Variants in ANKFN1 observed in about 807,000 individuals in gnomAD.
The protein encoded by ANKFN1 is ankyrin repeat and fibronectin type III domain containing 1, also known as ankyrin repeat and fibronectin type-III domain-containing protein 1.
In ANKFN1, 74 loss-of-function variants were observed where a neutral mutation model predicts 108.7. The ratio of observed to expected loss-of-function variants is 0.68; its 90% CI spans 0.56 to 0.83. ANKFN1 has a LOEUF of 0.83. Ranked by LOEUF, ANKFN1 falls within the 40% of genes least tolerant of loss-of-function variation. The pLI is 0.00. For missense variants in ANKFN1, 1,505 were observed against 1,382.3 expected (o/e 1.09, Z -1.41); for synonymous variants, 547 against 516.2 (o/e 1.06, Z -0.81).
At chr17:56,081,239 G>C (rs1305041422) in intron 4 of ANKFN1, among the ~76,000 whole-genome samples, 1 of 152,206 alleles carries the variant, frequency 6.6e-6, no homozygotes, top group Non-Finnish European at 1.5e-5. Flanking sequence ...CATTAGAGCA[G>C]GAATGAAAGG....
intron 2 of ANKFN1, among the ~76,000 whole-genome samples, chr17:56,226,274 G>T (rs1916263114): frequency 6.6e-6 from 1 of 151,934 alleles, no homozygotes; most frequent in Admixed American, 6.6e-5. Context: ...GATCTTGTCG[G>T]GTCAAACTAT....
chr17:56,453,595 C>A (rs1224421874), intron 11 of ANKFN1, among the ~76,000 whole-genome samples: 1 of 152,112 alleles, frequency 6.6e-6, no homozygotes, highest in Non-Finnish European at 1.5e-5. Flanking sequence ...CCTTTTACTA[C>A]CATATTGAGG....
chr17:56,071,044 T>C (rs891520436), intron 4 of ANKFN1, among the ~76,000 whole-genome samples: 4 of 152,094 alleles, frequency 2.6e-5, no homozygotes, highest in African/African-American at 9.7e-5. Flanking sequence ...TCTTTTGCAT[T>C]TTTAACATTT....
intron 8 of ANKFN1, among the ~76,000 whole-genome samples, chr17:56,381,036 C>A (rs1232345387): frequency 6.6e-6 from 1 of 152,202 alleles, no homozygotes; most frequent in Non-Finnish European, 1.5e-5. Flanking sequence ...GGAGGCACCC[C>A]CCAGTAGCGG....
chr17:56,113,878 C>A (rs11656012), intron 4 of ANKFN1, among the ~76,000 whole-genome samples: 1,786 of 152,134 alleles, frequency 0.012, 34 homozygotes, highest in African/African-American at 0.04. Flanking sequence ...GAGGGAAATT[C>A]ATTGATCCTT....
intron 3 of ANKFN1, among the ~76,000 whole-genome samples, chr17:56,325,544 T>G (rs2045493737): frequency 6.6e-6 from 1 of 152,228 alleles, no homozygotes; most frequent in African/African-American, 2.4e-5. Flanking sequence ...AGACTGAGCC[T>G]CTTGCTGTCC....
At chr17:56,499,433 C>A (rs1340813735) in intron 20 of ANKFN1, among the ~76,000 whole-genome samples, 1 of 152,004 alleles carries the variant, frequency 6.6e-6, no homozygotes, top group Non-Finnish European at 1.5e-5. Flanking sequence ...GCCACAAAAG[C>A]CAAGGGAATC....
intron 6 of ANKFN1, among the ~76,000 whole-genome samples, chr17:56,361,515 G>A (rs965768115): frequency 1.3e-5 from 2 of 151,990 alleles, no homozygotes; most frequent in African/African-American, 4.8e-5. Context: ...GTAGCTGTGG[G>A]AAAATTCCTT....
intron 4 of ANKFN1, among the ~76,000 whole-genome samples, chr17:56,145,227 G>A (rs1908187092): frequency 1.3e-5 from 2 of 152,228 alleles, no homozygotes; most frequent in Admixed American, 1.3e-4. Context: ...AGAAATTAAA[G>A]GATCTTTCCC....
At chr17:56,332,107 A>G (rs1293817131) in intron 4 of ANKFN1, among the ~76,000 whole-genome samples, 1 of 152,154 alleles carries the variant, frequency 6.6e-6, no homozygotes, top group Non-Finnish European at 1.5e-5. Flanking sequence ...GGTAGCCACA[A>G]GCAAAGCGAA....
At chr17:56,122,291 A>G (rs1443508477) in intron 4 of ANKFN1, among the ~76,000 whole-genome samples, 1 of 152,206 alleles carries the variant, frequency 6.6e-6, no homozygotes, top group Admixed American at 6.5e-5. Context: ...TTGAAATTAC[A>G]GTTTTATAAC....
At chr17:56,214,288 C>T (rs1915262443) in intron 2 of ANKFN1, among the ~76,000 whole-genome samples, 1 of 152,098 alleles carries the variant, frequency 6.6e-6, no homozygotes, top group African/African-American at 2.4e-5. Flanking sequence ...AAGAATACAT[C>T]CAAGATACAC....
intron 3 of ANKFN1, among the ~76,000 whole-genome samples, chr17:56,267,210 G>A (rs8067881): frequency 8.5e-5 from 13 of 152,058 alleles, no homozygotes; most frequent in East Asian, 3.9e-4. Context: ...TGTGTGTTGC[G>A]GCAAAGGACA....
chr17:56,108,442 T>C (rs867258815), intron 4 of ANKFN1, among the ~76,000 whole-genome samples: 1 of 152,228 alleles, frequency 6.6e-6, no homozygotes. Context: ...CACCAGAAAC[T>C]TCATGTGTTT....
At chr17:56,452,315 C>T (rs2049515165) in intron 11 of ANKFN1, among the ~76,000 whole-genome samples, 1 of 152,102 alleles carries the variant, frequency 6.6e-6, no homozygotes, top group South Asian at 2.1e-4. Context: ...ACTGTTGCTT[C>T]AGAACTCCAA....
At chr17:56,057,469 G>T (rs920514062) in intron 4 of ANKFN1, among the ~76,000 whole-genome samples, 1 of 152,108 alleles carries the variant, frequency 6.6e-6, no homozygotes, top group Non-Finnish European at 1.5e-5. Flanking sequence ...AGCAGCGATA[G>T]ACTTAAGTAT....
In ANKFN1 at chr17:56,353,965, C is replaced by A; in HGVS notation, c.520C>A (p.Pro174Thr). The A allele has an allele frequency of 6.2e-7, 1 of 1,613,992 alleles. No homozygotes were observed. The highest frequency in any genetic ancestry group is 8.5e-7 in the Non-Finnish European group (1 of 1,179,964). The change falls in exon 6 of 21, where the codon CCC (proline) becomes ACC (threonine). Residue 174 changes from proline (P) to threonine (T), a missense_variant. By Grantham distance (38) the Pro-to-Thr change is conservative. Coordinates refer to ENST00000682825, the MANE Select transcript of ANKFN1 (RefSeq NM_001370326.1). ...LNTPNSEGLTPLDIAIMTNNV... is the reference protein window; with the variant it reads ...LNTPNSEGLTTLDIAIMTNNV... The stretch of plus-strand genomic sequence containing the variant: ...CACACCTAACAGCGAGGGCTTGACA[C>A]CCCTGGATATTGCCATCATGACCAA...
intron 4 of ANKFN1, among the ~76,000 whole-genome samples, chr17:56,342,758 G>A (rs772863839): frequency 8.6e-5 from 13 of 151,864 alleles, no homozygotes; most frequent in Non-Finnish European, 1.8e-4. Context: ...GATTAGAAAA[G>A]TGTATATTCT....
chr17:56,232,889 A>G (rs1916844673), intron 3 of ANKFN1, among the ~76,000 whole-genome samples: 1 of 152,138 alleles, frequency 6.6e-6, no homozygotes, highest in African/African-American at 2.4e-5. Context: ...AATGCTTGGC[A>G]ATTTTGTAGC....
Sources: allele counts gnomAD v4.1 joint callset (sites outside exome capture counted in the v4.1 genomes callset), GRCh38; gene constraint gnomAD v4.1.1; transcripts MANE v1.5; gene names NCBI Gene and HGNC (gene_info 2026-07-23, HGNC 2026-07-21).